The following PDXDC1 variants were observed in gnomAD, a reference collection of about 807,000 sequenced individuals.
PDXDC1 encodes pyridoxal-dependent decarboxylase domain-containing protein 1.
PDXDC1 carries 42 observed loss-of-function variants against 100.1 expected under a neutral mutation model. The observed-to-expected ratio is 0.42, with a 90% CI of 0.33 to 0.54. The LOEUF (loss-of-function observed/expected upper bound fraction) is 0.54, where lower values mean the gene tolerates loss of function less well. PDXDC1 is among the 20% of genes least tolerant of loss of function. PDXDC1 has a pLI of 0.10. For missense variants in PDXDC1, 636 were observed against 979.2 expected (o/e 0.65, Z 4.68); for synonymous variants, 260 against 371.7 (o/e 0.70, Z 3.46).
intron 16 of PDXDC1, chr16:15,044,635 T>C: frequency 3.5e-6 from 2 of 575,388 alleles, no homozygotes; most frequent in Admixed American, 3.1e-5. Context: ...GATCCGTATC[T>C]GAACACAAAT....
At chr16:15,142,069 C>T (rs563116528), downstream of PDXDC1, among the ~76,000 whole-genome samples, 1 of 152,170 alleles carries the variant, frequency 6.6e-6, no homozygotes, top group African/African-American at 2.4e-5. Context: ...GGGAGGGGCA[C>T]AGGCATGGGG....
intron 16 of PDXDC1, chr16:15,044,537 C>T: frequency 1.5e-6 from 1 of 682,876 alleles, no homozygotes; most frequent in Non-Finnish European, 2.6e-6. Flanking sequence ...CATCTTCGTG[C>T]CACCGCAAAA....
At chr16:15,125,610 G>C in intron 16 of PDXDC1, 1 of 1,202,026 alleles carries the variant, frequency 8.3e-7, no homozygotes, top group East Asian at 2.3e-5. Context: ...CCTGCTGAGA[G>C]GTGCACAGTG....
chr16:15,117,304 TTGAA>T (rs2047265371), intron 16 of PDXDC1, among the ~76,000 whole-genome samples: 1 of 101,836 alleles, frequency 9.8e-6, no homozygotes, highest in Non-Finnish European at 2.0e-5. Flanking sequence ...AATGTAGATC[TTGAA>T]AGGGGGTTGG....
chr16:15,059,277 C>A (rs1419939210), intron 16 of PDXDC1, among the ~76,000 whole-genome samples: 2 of 152,154 alleles, frequency 1.3e-5, no homozygotes, highest in South Asian at 2.1e-4. Flanking sequence ...ATCGTAAGCA[C>A]TGCCCGGCAA....
At chr16:15,075,990 A>ATC (rs1228230032) in intron 16 of PDXDC1, among the ~76,000 whole-genome samples, 2 of 152,144 alleles carry the variant, frequency 1.3e-5, no homozygotes, top group African/African-American at 4.8e-5. Flanking sequence ...AGAAAAGGAC[A>ATC]TCTCCTTGGT....
intron 16 of PDXDC1, among the ~76,000 whole-genome samples, chr16:15,075,967 T>C (rs1447749297): frequency 1.3e-5 from 2 of 152,122 alleles, no homozygotes; most frequent in African/African-American, 2.4e-5. Context: ...CAATGACTGA[T>C]TGACAAGGCA....
chr16:14,984,855 C>T (rs142132520), intron 1 of PDXDC1, among the ~76,000 whole-genome samples: 2 of 152,302 alleles, frequency 1.3e-5, no homozygotes, highest in East Asian at 1.9e-4. Flanking sequence ...AGTGTTGATT[C>T]GTGTGTTTTC....
chr16:15,101,920 C>T (rs1372242005), intron 16 of PDXDC1, among the ~76,000 whole-genome samples: 3 of 151,998 alleles, frequency 2.0e-5, no homozygotes, highest in Admixed American at 6.6e-5. Flanking sequence ...GTGATCTTGG[C>T]TCACCGCAAC....
intron 16 of PDXDC1, chr16:15,080,143 T>C (rs2151800201): frequency 6.5e-7 from 1 of 1,545,912 alleles, no homozygotes; most frequent in South Asian, 1.2e-5. Flanking sequence ...AGAATAAACG[T>C]TTCACAGTTA....
rs551598899 is a variant in PDXDC1 at position 15,083,868 on chromosome 16, C to T, written c.1399+53812C>T. 22 of 302,582 alleles carry T rather than the reference C, an allele frequency of 7.3e-5. 1 individual carries two copies. The highest frequency in any genetic ancestry group is 6.9e-4 in the South Asian group (21 of 30,266). The allele number at this position is 302,582 out of a possible 1,614,324, so 18.7% of individuals were successfully genotyped here. ...AACAGCTGGGATTACAGGCATGCGC[C>T]ACCATGCCCAGCTAATTTTGTATTT... is the stretch of plus-strand genomic sequence containing the variant. On this transcript the variant is annotated intron_variant, in intron 16 of 16. Transcript: ENST00000535621.
At chr16:15,095,940 A>T (rs1318661828) in intron 16 of PDXDC1, among the ~76,000 whole-genome samples, 1 of 150,900 alleles carries the variant, frequency 6.6e-6, no homozygotes, top group African/African-American at 2.4e-5. Flanking sequence ...TGGGCAACAT[A>T]TGGTGGTGCA....
At chr16:15,068,370 A>C (rs2045070535) in intron 16 of PDXDC1, 1 of 1,431,858 alleles carries the variant, frequency 7.0e-7, no homozygotes, top group Non-Finnish European at 9.3e-7. Flanking sequence ...ACACATTTAA[A>C]AAAAACTTTA....
chr16:15,080,309 A>G (rs1035137358), intron 16 of PDXDC1, among the ~76,000 whole-genome samples: 4 of 152,242 alleles, frequency 2.6e-5, no homozygotes, highest in African/African-American at 7.2e-5. Flanking sequence ...TTTAATTTGC[A>G]TAACTATAGG....
At chr16:15,044,284 G>C in intron 16 of PDXDC1, 1 of 1,252,606 alleles carries the variant, frequency 8.0e-7, no homozygotes, top group Non-Finnish European at 1.2e-6. Flanking sequence ...AGCAAATATG[G>C]GTACATATTT....
At chr16:15,103,942 A>G (rs1459762993) in intron 16 of PDXDC1, among the ~76,000 whole-genome samples, 34 of 25,542 alleles carry the variant, frequency 1.3e-3, no homozygotes, top group Admixed American at 2.0e-3. Flanking sequence ...TATCAGAAAG[A>G]GGCTGGTGGT....
intron 1 of PDXDC1, chr16:14,989,291 G>A (rs1350347361): frequency 2.5e-6 from 4 of 1,613,220 alleles, no homozygotes; most frequent in African/African-American, 2.7e-5. Flanking sequence ...GGCCAGAGAC[G>A]TGCACCACCC....
intron 16 of PDXDC1, chr16:15,074,966 G>C: frequency 1.7e-6 from 2 of 1,198,116 alleles, no homozygotes. Flanking sequence ...ATAAAACAAA[G>C]AGGCTGGGGA....
Position 15,082,152 on chromosome 16 carries a change from T to A in PDXDC1, c.1399+52096T>A, listed in dbSNP as rs1290329423. ...CAAGCAGCAAGAGCGGACATCCTTG[T>A]TTTGTTCTTTGTCTTAGGAAAAAAC... is the stretch of plus-strand genomic sequence containing the variant. On this transcript the variant is annotated intron_variant, in intron 16 of 16. Transcript: ENST00000535621. Among the ~76,000 whole-genome samples, 3 of 152,184 alleles carry A rather than the reference T, an allele frequency of 2.0e-5. No individual in the cohort carries two copies. The South Asian group carries it at 6.2e-4, about 32-fold the overall frequency.
Sources: allele counts gnomAD v4.1 joint callset (sites outside exome capture counted in the v4.1 genomes callset), GRCh38; gene constraint gnomAD v4.1.1; transcripts MANE v1.5; gene names NCBI Gene and HGNC (gene_info 2026-07-23, HGNC 2026-07-21).